SYT9: variants seen among roughly 807,000 people sequenced by gnomAD.
The protein encoded by SYT9 is synaptotagmin 9, also known as synaptotagmin-9.
A neutral mutation model predicts 48.4 loss-of-function variants in SYT9; 22 were observed. That is an observed-to-expected ratio of 0.45 (90% CI 0.32 to 0.65). SYT9 has a LOEUF of 0.65. SYT9 is among the 30% of genes least tolerant of loss of function. The pLI is 0.03. For synonymous variants in SYT9, 265 were observed against 245.0 expected (o/e 1.08, Z -0.76); for missense variants, 577 against 622.0 (o/e 0.93, Z 0.77).
chr11:7,312,795 C>A (rs1447842166), intron 2 of SYT9, among the ~76,000 whole-genome samples: 3 of 152,210 alleles, frequency 2.0e-5, no homozygotes, highest in Non-Finnish European at 4.4e-5. Flanking sequence ...CCAATTATGT[C>A]ACTTCTACCT....
intron 3 of SYT9, among the ~76,000 whole-genome samples, chr11:7,372,018 G>T (rs1029577236): frequency 6.6e-6 from 1 of 152,034 alleles, no homozygotes; most frequent in Non-Finnish European, 1.5e-5. Flanking sequence ...TTTCTCTTGG[G>T]TAAATACCTA....
chr11:7,282,926 G>GCACA (rs151278873), intron 1 of SYT9, among the ~76,000 whole-genome samples: 40 of 135,734 alleles, frequency 2.9e-4, no homozygotes, highest in African/African-American at 1.0e-3. Context: ...ACACACACAC[G>GCACA]CACACACACA....
At chr11:7,465,056 C>T (rs933546067) in intron 6 of SYT9, among the ~76,000 whole-genome samples, 7 of 152,122 alleles carry the variant, frequency 4.6e-5, no homozygotes, top group African/African-American at 1.4e-4. Context: ...CCACTGCACT[C>T]CAGCCTGGGG....
chr11:7,277,040 C>T (rs984333911), intron 1 of SYT9, among the ~76,000 whole-genome samples: 1 of 151,538 alleles, frequency 6.6e-6, no homozygotes, highest in Non-Finnish European at 1.5e-5. Flanking sequence ...GGTGACAGTA[C>T]GAGACTCTAT....
chr11:7,330,074 A>C (rs1849500142), intron 3 of SYT9, among the ~76,000 whole-genome samples: 1 of 152,206 alleles, frequency 6.6e-6, no homozygotes. Flanking sequence ...TTTAAAAAAA[A>C]ACTCTCCATG....
chr11:7,420,751 C>A, intron 6 of SYT9, 116 bp downstream of exon 6: 2 of 1,328,144 alleles, frequency 1.5e-6, no homozygotes, highest in Non-Finnish European at 2.1e-6. Context: ...ACGGGTTTTC[C>A]TGGTTGCATT....
chr11:7,302,970 C>A, intron 1 of SYT9, 69 bp from the exon 2 acceptor site: 2 of 1,423,402 alleles, frequency 1.4e-6, no homozygotes, highest in Non-Finnish European at 2.0e-6. Context: ...GGTCATTCTG[C>A]CCACGCTGTG....
intron 3 of SYT9, among the ~76,000 whole-genome samples, chr11:7,338,619 C>T (rs1849666321): frequency 6.6e-6 from 1 of 152,010 alleles, no homozygotes; most frequent in Admixed American, 6.6e-5. Flanking sequence ...CAAAGTCATT[C>T]AGGAGCAGGT....
intron 3 of SYT9, among the ~76,000 whole-genome samples, chr11:7,352,498 C>T (rs918377836): frequency 2.0e-5 from 3 of 151,972 alleles, no homozygotes; most frequent in Admixed American, 2.0e-4. Context: ...CCTAGATCTA[C>T]AGTTTAAAGT....
intron 3 of SYT9, among the ~76,000 whole-genome samples, chr11:7,393,955 TTTTTC>T (rs1447602234): frequency 1.6e-4 from 2 of 12,288 alleles, no homozygotes; most frequent in East Asian, 5.2e-3. Flanking sequence ...TTGTCATTTC[TTTTTC>T]TTTTTTTTTT....
chr11:7,466,324 A>G (rs1372491114), intron 6 of SYT9, among the ~76,000 whole-genome samples: 2 of 152,114 alleles, frequency 1.3e-5, no homozygotes, highest in Non-Finnish European at 2.9e-5. Flanking sequence ...ACATCATAAT[A>G]TCTCCATCTG....
chr11:7,252,227 A>G lies in SYT9; in HGVS notation c.41A>G (p.Gln14Arg), dbSNP rs1322935068. ...ARDALCHQAL[Q>R]LLAELCARGA... is the part of the protein sequence containing the mutation. ...GACGCGCTCTGTCACCAGGCGCTGC[A>G]GCTGCTGGCCGAGCTCTGTGCCCGT... is the stretch of plus-strand genomic sequence containing the variant. The change falls in exon 1 of 7, where the codon CAG becomes CGG. Residue 14 changes from glutamine to arginine, a missense_variant. Transcript: ENST00000318881. This position sits in a 1 kb window ranked among gnomAD's most constrained non-coding sequence, Gnocchi z 6.3. 2.7e-6 allele frequency: 4 copies of G among 1,494,456 alleles called. No homozygotes were observed. The highest frequency in any genetic ancestry group is 3.6e-6 in the Non-Finnish European group (4 of 1,122,702). The allele number at this position is 1,494,456 out of a possible 1,614,324, so 92.6% of individuals were successfully genotyped here.
At chr11:7,392,138 T>C (rs149730763) in intron 3 of SYT9, among the ~76,000 whole-genome samples, 1 of 152,316 alleles carries the variant, frequency 6.6e-6, no homozygotes, top group East Asian at 1.9e-4. Flanking sequence ...ATTTTTGCTT[T>C]TCTTGCAATT....
intron 3 of SYT9, among the ~76,000 whole-genome samples, chr11:7,353,336 A>C (rs780896377): frequency 2.6e-5 from 4 of 152,096 alleles, no homozygotes; most frequent in Non-Finnish European, 5.9e-5. Flanking sequence ...CTTCAGTGCA[A>C]GGCTCCACAA....
chr11:7,254,514 C>G (rs1168400893), intron 1 of SYT9, among the ~76,000 whole-genome samples: 1 of 152,190 alleles, frequency 6.6e-6, no homozygotes, highest in Admixed American at 6.5e-5. Context: ...TCTTTAATCT[C>G]GGAACCCTAA....
rs547281913 is a variant in SYT9 at position 7,413,586 on chromosome 11, C to G, written c.1045-2456C>G. ...GCTTCTCCCAGCTCCCAGCCAAACC[C>G]CCCGAGCAGGCTACATTGCTTCCAT... On this transcript the variant is annotated intron_variant, in intron 3 of 6. Coordinates refer to ENST00000318881, the MANE Select transcript of SYT9 (RefSeq NM_175733.4). Among the ~76,000 whole-genome samples the G allele has an allele frequency of 2.0e-5, 3 of 152,294 alleles. No individual in the cohort carries two copies. In the South Asian group the frequency reaches 6.2e-4, roughly 32 times the overall value.
intron 3 of SYT9, among the ~76,000 whole-genome samples, chr11:7,354,858 C>A (rs772635543): frequency 1.1e-3 from 162 of 152,180 alleles, no homozygotes; most frequent in Admixed American, 2.0e-3. Flanking sequence ...GCCTTTCACA[C>A]AGTGATGGCA....
At chr11:7,258,005 C>G (rs1848007229) in intron 1 of SYT9, among the ~76,000 whole-genome samples, 1 of 152,156 alleles carries the variant, frequency 6.6e-6, no homozygotes, top group Admixed American at 6.5e-5. Flanking sequence ...GGGATAAACT[C>G]TCAAGGAAAA....
rs1181690356 is a variant in SYT9 at position 7,466,825 on chromosome 11, C to T, written c.*25C>T. On this transcript the variant is annotated 3_prime_UTR_variant, in exon 7 of 7. Coordinates refer to ENST00000318881, the MANE Select transcript of SYT9 (RefSeq NM_175733.4). ...ACCATGGGTAAGAGGACTGCTTGTG[C>T]CAAGGACAAAATAGGACAACCATCT... 6.2e-7 allele frequency: 1 copy of T among 1,611,118 alleles called. No individual in the cohort carries two copies. Among genetic ancestry groups the T allele is most frequent in the Non-Finnish European group, 8.5e-7 (1 of 1,179,144 alleles).
Sources: gnomAD v4.1 joint callset for allele counts (sites outside exome capture counted in the v4.1 genomes callset) on GRCh38, gnomAD v4.1.1 for gene constraint, Gnocchi (gnomAD v3.1) non-coding constraint, MANE v1.5 for transcripts, NCBI Gene and HGNC (gene_info 2026-07-23, HGNC 2026-07-21) for gene names.